NPAS3: variants seen among roughly 807,000 people sequenced by gnomAD.
The protein encoded by NPAS3 is neuronal PAS domain protein 3, also known as neuronal PAS domain-containing protein 3.
NPAS3 carries 14 observed loss-of-function variants against 73.1 expected under a neutral mutation model. The observed-to-expected ratio is 0.19, with a 90% CI of 0.13 to 0.30. The LOEUF (loss-of-function observed/expected upper bound fraction) is 0.30, where lower values mean the gene tolerates loss of function less well. NPAS3 is among the 10% of genes least tolerant of loss of function. The pLI, the probability that NPAS3 is intolerant of heterozygous loss-of-function variation, is 1.00. For synonymous variants in NPAS3, 620 were observed against 541.5 expected (o/e 1.14, Z -2.01); for missense variants, 1,096 against 1,250.0 (o/e 0.88, Z 1.86).
intron 5 of NPAS3, among the ~76,000 whole-genome samples, chr14:33,564,227 A>G (rs1432918114): frequency 2.0e-5 from 3 of 152,230 alleles, no homozygotes; most frequent in Admixed American, 1.3e-4. Flanking sequence ...AGATGTAACC[A>G]TGAGCTTCAT....
intron 5 of NPAS3, among the ~76,000 whole-genome samples, chr14:33,596,595 G>T (rs969436454): frequency 4.6e-5 from 7 of 152,190 alleles, no homozygotes; most frequent in African/African-American, 1.7e-4. Context: ...GCTTTAACCA[G>T]TTCTGACAAC....
chr14:33,384,589 C>T (rs1295818640), intron 4 of NPAS3, among the ~76,000 whole-genome samples: 1 of 151,998 alleles, frequency 6.6e-6, no homozygotes, highest in Non-Finnish European at 1.5e-5. Context: ...ATTAGCTGGG[C>T]ATGGTGGCAC....
At chr14:33,512,023 A>G (rs1273681801) in intron 4 of NPAS3, among the ~76,000 whole-genome samples, 1 of 152,038 alleles carries the variant, frequency 6.6e-6, no homozygotes, top group Non-Finnish European at 1.5e-5. Flanking sequence ...GCACCACTCT[A>G]TATAGGAACC....
intron 6 of NPAS3, 136 bp from the exon 7 acceptor site, chr14:33,735,078 G>A: frequency 1.5e-6 from 1 of 656,452 alleles, no homozygotes; most frequent in Non-Finnish European, 2.8e-6. Flanking sequence ...TCTAAATGAG[G>A]TAAATTGATT....
intron 3 of NPAS3, among the ~76,000 whole-genome samples, chr14:33,228,898 CAAAAT>C (rs146519363): frequency 0.024 from 3,720 of 152,170 alleles, 131 homozygotes; most frequent in African/African-American, 0.084. Flanking sequence ...ACAGTACTTT[CAAAAT>C]AAAATATCGT....
At chr14:33,564,352 T>A (rs2055814419) in intron 5 of NPAS3, among the ~76,000 whole-genome samples, 1 of 152,198 alleles carries the variant, frequency 6.6e-6, no homozygotes, top group Non-Finnish European at 1.5e-5. Context: ...CGTAGGATTT[T>A]GGAAGAGCTA....
intron 4 of NPAS3, among the ~76,000 whole-genome samples, chr14:33,511,133 C>G (rs1353199433): frequency 6.6e-6 from 1 of 151,970 alleles, no homozygotes; most frequent in African/African-American, 2.4e-5. Flanking sequence ...CGTTCAGGTG[C>G]CTTGTGTTGG....
intron 9 of NPAS3, among the ~76,000 whole-genome samples, chr14:33,781,166 G>C (rs1321713279): frequency 1.3e-5 from 2 of 152,170 alleles, no homozygotes; most frequent in African/African-American, 4.8e-5. Flanking sequence ...GAAGAAGTTT[G>C]ATCCTAATCA....
At chr14:33,269,022 G>C (rs2040951963) in intron 3 of NPAS3, among the ~76,000 whole-genome samples, 1 of 152,120 alleles carries the variant, frequency 6.6e-6, no homozygotes, top group Admixed American at 6.5e-5. Flanking sequence ...CTGCGATCTA[G>C]TGCATCCACC....
chr14:33,784,371 A>T lies in NPAS3; in HGVS notation c.1153+5799A>T, dbSNP rs372948111. Among the ~76,000 whole-genome samples the T allele has an allele frequency of 6.8e-4, 103 of 152,372 alleles. 1 individual carries two copies. In the East Asian group the frequency reaches 0.012, roughly 17 times the overall value. The stretch of plus-strand genomic sequence containing the variant: ...TAGAGAAGGCAGCATGAAACAGCCA[A>T]TTCTGAATAGCTAGTATGAAATGAG... On this transcript the variant is annotated intron_variant, in intron 9 of 11. Transcript: ENST00000356141.
At chr14:33,201,455 A>C (rs1254359897) in intron 2 of NPAS3, among the ~76,000 whole-genome samples, 2 of 152,222 alleles carry the variant, frequency 1.3e-5, no homozygotes, top group Non-Finnish European at 2.9e-5. Context: ...AGTGAAGCTA[A>C]AGACTTAGTG....
intron 1 of NPAS3, among the ~76,000 whole-genome samples, chr14:32,948,062 C>T (rs2036333326): frequency 6.6e-6 from 1 of 152,132 alleles, no homozygotes; most frequent in African/African-American, 2.4e-5. Flanking sequence ...GATTAAAGTG[C>T]TCTTCATTTA....
intron 6 of NPAS3, among the ~76,000 whole-genome samples, chr14:33,705,813 G>T (rs1436459975): frequency 6.6e-6 from 1 of 152,222 alleles, no homozygotes; most frequent in Non-Finnish European, 1.5e-5. Flanking sequence ...TACAGGGCTT[G>T]TCTTCTATTT....
At chr14:33,048,054 T>G (rs757818303) in intron 1 of NPAS3, among the ~76,000 whole-genome samples, 10 of 152,186 alleles carry the variant, frequency 6.6e-5, no homozygotes, top group Non-Finnish European at 1.5e-4. Context: ...TTTGACTTGC[T>G]TAGAGAAGGA....
intron 6 of NPAS3, among the ~76,000 whole-genome samples, chr14:33,702,044 C>T (rs558779764): frequency 6.6e-6 from 1 of 152,198 alleles, no homozygotes; most frequent in South Asian, 2.1e-4. Flanking sequence ...AGAGAAGATG[C>T]AAGATAAAAA....
At chr14:33,286,702 AG>A (rs1481540848) in intron 3 of NPAS3, among the ~76,000 whole-genome samples, 1 of 151,538 alleles carries the variant, frequency 6.6e-6, no homozygotes, top group African/African-American at 2.4e-5. Context: ...CTTTCTTCTT[AG>A]TTTTTTTATT....
intron 4 of NPAS3, among the ~76,000 whole-genome samples, chr14:33,454,029 T>G (rs2049917953): frequency 6.6e-6 from 1 of 152,166 alleles, no homozygotes; most frequent in African/African-American, 2.4e-5. Context: ...CAACGAAGGT[T>G]TTCCCTTTTT....
chr14:33,496,828 T>G (rs1467823538), intron 4 of NPAS3, among the ~76,000 whole-genome samples: 1 of 152,094 alleles, frequency 6.6e-6, no homozygotes, highest in African/African-American at 2.4e-5. Context: ...CTATTCAACA[T>G]AGTATTGGAA....
chr14:33,243,102 G>A (rs1165245077), intron 3 of NPAS3, among the ~76,000 whole-genome samples: 1 of 152,114 alleles, frequency 6.6e-6, no homozygotes, highest in South Asian at 2.1e-4. Flanking sequence ...GAAAGGTTAA[G>A]TTTTAATTGT....
Sources: allele counts gnomAD v4.1 joint callset (sites outside exome capture counted in the v4.1 genomes callset), GRCh38; gene constraint gnomAD v4.1.1; transcripts MANE v1.5; gene names NCBI Gene and HGNC (gene_info 2026-07-23, HGNC 2026-07-21).